Variants in PAM observed in about 807,000 individuals in gnomAD.
PAM encodes the protein peptidyl-glycine alpha-amidating monooxygenase.
PAM carries 72 observed loss-of-function variants against 122.1 expected under a neutral mutation model. The observed-to-expected ratio is 0.59, with a 90% CI of 0.49 to 0.72. The LOEUF (loss-of-function observed/expected upper bound fraction) is 0.72, where lower values mean the gene tolerates loss of function less well. Among genes scored for constraint, PAM ranks in the 30% least tolerant of loss-of-function variants. The pLI, the probability that PAM is intolerant of heterozygous loss-of-function variation, is 0.00. For missense variants in PAM, 1,106 were observed against 1,183.7 expected, an observed-to-expected ratio of 0.93 and a Z score of 0.96; for synonymous variants, 389 against 404.4, an observed-to-expected ratio of 0.96 and a Z score of 0.46.
At chr5:102,956,690 G>A (rs988643490) in intron 12 of PAM, among the ~76,000 whole-genome samples, 2 of 151,748 alleles carry the variant, frequency 1.3e-5, no homozygotes, top group African/African-American at 2.4e-5. Flanking sequence ...CCATAATTAC[G>A]ATCTATAATT....
At chr5:102,907,872 G>A (rs1232765108) in intron 4 of PAM, among the ~76,000 whole-genome samples, 1 of 151,858 alleles carries the variant, frequency 6.6e-6, no homozygotes, top group African/African-American at 2.4e-5. Context: ...CTGGATATTA[G>A]CCCTTTGTCA....
intron 3 of PAM, among the ~76,000 whole-genome samples, chr5:102,884,624 A>AT (rs572215160): frequency 3.3e-5 from 5 of 151,872 alleles, no homozygotes; most frequent in Non-Finnish European, 7.4e-5. Flanking sequence ...TTATTTTCAG[A>AT]TTTATGTAGT....
At chr5:102,834,700 C>T (rs1776440559) in intron 1 of PAM, among the ~76,000 whole-genome samples, 1 of 152,032 alleles carries the variant, frequency 6.6e-6, no homozygotes, top group Admixed American at 6.6e-5. Flanking sequence ...TGCAAAGATG[C>T]TGAAGTAGGA....
At chr5:102,923,389 G>A (rs1408915280) in intron 5 of PAM, among the ~76,000 whole-genome samples, 1 of 152,122 alleles carries the variant, frequency 6.6e-6, no homozygotes, top group Non-Finnish European at 1.5e-5. Flanking sequence ...CCAGGTCAGG[G>A]GCAGTGTACA....
At chr5:102,985,218 A>C (rs1408923741) in intron 15 of PAM, among the ~76,000 whole-genome samples, 1 of 152,122 alleles carries the variant, frequency 6.6e-6, no homozygotes, top group Non-Finnish European at 1.5e-5. Flanking sequence ...ATAGGAAAGA[A>C]AAAGAGCAGA....
chr5:102,857,895 A>G (rs1783060077), intron 1 of PAM, among the ~76,000 whole-genome samples: 1 of 152,232 alleles, frequency 6.6e-6, no homozygotes, highest in Non-Finnish European at 1.5e-5. Flanking sequence ...AATATCCCCA[A>G]TAAATATGGA....
chr5:102,893,189 G>A (rs149361835), intron 3 of PAM, among the ~76,000 whole-genome samples: 161 of 151,866 alleles, frequency 1.1e-3, no homozygotes, highest in African/African-American at 3.8e-3. Context: ...TTGGGCAGTG[G>A]AAGAGGTCTT....
At chr5:102,807,330 A>T (rs939786341) in intron 1 of PAM, among the ~76,000 whole-genome samples, 1 of 152,244 alleles carries the variant, frequency 6.6e-6, no homozygotes, top group East Asian at 1.9e-4. Context: ...TTTAAACTGG[A>T]TATTTTAAAG....
chr5:102,790,141 T>G (rs566680343), intron 1 of PAM, among the ~76,000 whole-genome samples: 1 of 152,242 alleles, frequency 6.6e-6, no homozygotes, highest in Non-Finnish European at 1.5e-5. Flanking sequence ...TGCAAAATAA[T>G]CAGCTTAACT....
chr5:102,952,302 T>TTA (rs1193847696), intron 12 of PAM, among the ~76,000 whole-genome samples: 1 of 152,162 alleles, frequency 6.6e-6, no homozygotes, highest in Non-Finnish European at 1.5e-5. Flanking sequence ...TAATGACTTG[T>TTA]TATAGTACTA....
At chr5:102,975,181 G>A (rs1409136586) in intron 15 of PAM, among the ~76,000 whole-genome samples, 1 of 152,144 alleles carries the variant, frequency 6.6e-6, no homozygotes, top group Admixed American at 6.5e-5. Flanking sequence ...TTGCTAATGT[G>A]GAAAGCCAGA....
intron 1 of PAM, among the ~76,000 whole-genome samples, chr5:102,791,013 A>T (rs373721861): frequency 1.3e-5 from 2 of 152,116 alleles, no homozygotes; most frequent in African/African-American, 4.8e-5. Flanking sequence ...ATAACTGAGC[A>T]ATATTTTTCA....
intron 1 of PAM, among the ~76,000 whole-genome samples, chr5:102,823,066 A>G (rs546305959): frequency 2.2e-4 from 34 of 152,308 alleles, no homozygotes; most frequent in African/African-American, 8.2e-4. Context: ...ATTTCTGAGA[A>G]GCTGAGCTAG....
intron 1 of PAM, among the ~76,000 whole-genome samples, chr5:102,851,789 A>T (rs1781413931): frequency 6.6e-6 from 1 of 152,214 alleles, no homozygotes; most frequent in African/African-American, 2.4e-5. Context: ...CTATGTTATT[A>T]TTTATGGAGA....
intron 4 of PAM, among the ~76,000 whole-genome samples, chr5:102,913,005 T>G (rs1801902763): frequency 1.3e-5 from 2 of 151,984 alleles, no homozygotes. Context: ...ACATACACAT[T>G]TTAGCAATAA....
At chr5:102,785,591 T>C (rs1760296726) in intron 1 of PAM, among the ~76,000 whole-genome samples, 1 of 152,092 alleles carries the variant, frequency 6.6e-6, no homozygotes. Context: ...TGGTGAAATA[T>C]GGTGACTGAT....
chr5:102,903,962 TAACAA>T (rs1798777752), intron 4 of PAM, among the ~76,000 whole-genome samples: 1 of 151,558 alleles, frequency 6.6e-6, no homozygotes, highest in Admixed American at 6.6e-5. Flanking sequence ...CAAACCATCT[TAACAA>T]AACAAATAAC....
chr5:102,981,072 G>C (rs535350619), intron 15 of PAM, among the ~76,000 whole-genome samples: 2 of 152,262 alleles, frequency 1.3e-5, no homozygotes, highest in Non-Finnish European at 2.9e-5. Flanking sequence ...TGTGACAAAT[G>C]AGTGTTTTTG....
chr5:102,923,371 C>T (rs969206483), intron 5 of PAM, among the ~76,000 whole-genome samples: 6 of 152,190 alleles, frequency 3.9e-5, no homozygotes, highest in African/African-American at 7.2e-5. Context: ...TCTGCCTTTG[C>T]TTCCCATCCA....
Sources: gnomAD v4.1 joint callset for allele counts (sites outside exome capture counted in the v4.1 genomes callset) on GRCh38, gnomAD v4.1.1 for gene constraint, MANE v1.5 for transcripts, NCBI Gene and HGNC (gene_info 2026-07-23, HGNC 2026-07-21) for gene names.